The following PACRG variants were observed in gnomAD, a reference collection of about 807,000 sequenced individuals.
PACRG encodes the protein parkin coregulated.
PACRG carries 29 observed loss-of-function variants against 29.7 expected under a neutral mutation model. That is an observed-to-expected ratio of 0.98 (90% CI 0.73 to 1.33). The LOEUF (loss-of-function observed/expected upper bound fraction) is 1.33. PACRG is among the 40% of genes most tolerant of loss of function. PACRG has a pLI of 0.00. For synonymous variants in PACRG, 116 were observed against 118.7 expected (o/e 0.98, Z 0.15); for missense variants, 279 against 316.2 (o/e 0.88, Z 0.89).
intron 4 of PACRG, among the ~76,000 whole-genome samples, chr6:163,099,941 A>T (rs1585211204): frequency 6.6e-6 from 1 of 152,036 alleles, no homozygotes; most frequent in African/African-American, 2.4e-5. Context: ...TCACTCTCAG[A>T]CCTTCTCTCC....
chr6:162,766,518 G>A (rs1782806487), intron 1 of PACRG, among the ~76,000 whole-genome samples: 1 of 152,120 alleles, frequency 6.6e-6, no homozygotes, highest in Non-Finnish European at 1.5e-5. Flanking sequence ...ATGAACAGAG[G>A]AGTGCAAACA....
At chr6:163,238,784 C>T (rs1300050740) in intron 4 of PACRG, among the ~76,000 whole-genome samples, 1 of 152,212 alleles carries the variant, frequency 6.6e-6, no homozygotes, top group Admixed American at 6.5e-5. Context: ...AATGTTTAGA[C>T]TTCCCAGAAT....
Position 162,903,693 on chromosome 6 carries a change from G to A in PACRG, c.291+89412G>A, listed in dbSNP as rs115136304. Among the ~76,000 whole-genome samples the A allele has an allele frequency of 3.4e-3, 512 of 152,218 alleles. 2 individuals are homozygous for A. The highest frequency in any genetic ancestry group is 0.012 in the African/African-American group (481 of 41,518). ...ATGGGAGCAATTGAAGATGAGATTC[G>A]GGTGGAGACACAGCCAAACCGTATC... On this transcript the variant is annotated intron_variant, in intron 2 of 4. Transcript: ENST00000366888.
chr6:162,974,213 C>G (rs970102242), intron 2 of PACRG, among the ~76,000 whole-genome samples: 2 of 152,172 alleles, frequency 1.3e-5, no homozygotes, highest in African/African-American at 4.8e-5. Flanking sequence ...AGGGCGGCTG[C>G]CACCATATGC....
intron 2 of PACRG, among the ~76,000 whole-genome samples, chr6:162,938,774 A>G (rs1407897132): frequency 6.6e-6 from 1 of 151,906 alleles, no homozygotes. Flanking sequence ...ATTTTTTCAT[A>G]TGTTTGTTTG....
intron 2 of PACRG, among the ~76,000 whole-genome samples, chr6:162,952,489 G>A (rs1002321868): frequency 6.6e-6 from 1 of 152,178 alleles, no homozygotes; most frequent in African/African-American, 2.4e-5. Flanking sequence ...GTTCCACAGG[G>A]AGTGAGGTTC....
intron 4 of PACRG, among the ~76,000 whole-genome samples, chr6:163,216,645 C>T (rs552794886): frequency 2.0e-5 from 3 of 152,266 alleles, no homozygotes; most frequent in South Asian, 4.1e-4. Flanking sequence ...TACCCTTCAG[C>T]GCACCCAGCC....
At chr6:162,811,437 T>C (rs1180790300) in intron 1 of PACRG, among the ~76,000 whole-genome samples, 1 of 152,094 alleles carries the variant, frequency 6.6e-6, no homozygotes, top group Non-Finnish European at 1.5e-5. Context: ...AGTCATCCAA[T>C]AGGAAGCAGA....
At chr6:162,847,529 A>G (rs1261707554) in intron 2 of PACRG, among the ~76,000 whole-genome samples, 1 of 150,678 alleles carries the variant, frequency 6.6e-6, no homozygotes, top group Non-Finnish European at 1.5e-5. Context: ...GTATGTGTGT[A>G]TTGTTGAATG....
chr6:162,748,426 G>A (rs752880327), intron 1 of PACRG, among the ~76,000 whole-genome samples: 4 of 152,148 alleles, frequency 2.6e-5, no homozygotes, highest in Admixed American at 6.5e-5. Context: ...CCCAGGAGGC[G>A]GAGGTTGCAG....
chr6:162,784,903 G>A (rs1356295975), intron 1 of PACRG, among the ~76,000 whole-genome samples: 1 of 152,106 alleles, frequency 6.6e-6, no homozygotes, highest in Non-Finnish European at 1.5e-5. Context: ...ACAGAAAAAT[G>A]GGAATGGAGA....
intron 3 of PACRG, among the ~76,000 whole-genome samples, chr6:163,079,508 A>T (rs1407284957): frequency 1.3e-5 from 2 of 152,094 alleles, no homozygotes; most frequent in Non-Finnish European, 2.9e-5. Context: ...TGCTTTGCTG[A>T]TACAGTTTAT....
chr6:163,001,740 T>C (rs1439949576), intron 2 of PACRG, among the ~76,000 whole-genome samples: 1 of 152,248 alleles, frequency 6.6e-6, no homozygotes, highest in African/African-American at 2.4e-5. Flanking sequence ...GCTTAAGCTG[T>C]AGACAGCATT....
chr6:163,053,937 C>T (rs1810290617), intron 2 of PACRG: 1 of 152,062 alleles, frequency 6.6e-6, no homozygotes, highest in African/African-American at 2.4e-5. Flanking sequence ...ATTGTGTGCC[C>T]AGCACTCTTC....
intron 4 of PACRG, among the ~76,000 whole-genome samples, chr6:163,115,282 C>T (rs116858783): frequency 0.013 from 1,913 of 152,144 alleles, 83 homozygotes; most frequent in Admixed American, 0.082. Flanking sequence ...GGGGATGACT[C>T]GCTTTATCTG....
intron 2 of PACRG, among the ~76,000 whole-genome samples, chr6:162,883,149 A>G (rs978951518): frequency 6.6e-6 from 1 of 150,568 alleles, no homozygotes; most frequent in African/African-American, 2.4e-5. Context: ...TTCTGTCACT[A>G]CCAGGTTTTT....
intron 2 of PACRG, among the ~76,000 whole-genome samples, chr6:163,052,547 T>C (rs986066753): frequency 4.3e-4 from 66 of 152,230 alleles, no homozygotes; most frequent in African/African-American, 1.5e-3. Flanking sequence ...TGGGAGGTGA[T>C]TGGATCATGG....
At chr6:162,963,727 T>C (rs145591325) in intron 2 of PACRG, among the ~76,000 whole-genome samples, 7 of 146,350 alleles carry the variant, frequency 4.8e-5, no homozygotes, top group African/African-American at 5.4e-5. Context: ...TTATTTTATA[T>C]GTATAAAATA....
chr6:163,032,701 G>T (rs1681399856), intron 2 of PACRG, among the ~76,000 whole-genome samples: 1 of 152,190 alleles, frequency 6.6e-6, no homozygotes, highest in Non-Finnish European at 1.5e-5. Context: ...AGTGCTTCCT[G>T]TGTGACTTTT....
Sources: allele counts gnomAD v4.1 joint callset (sites outside exome capture counted in the v4.1 genomes callset), GRCh38; gene constraint gnomAD v4.1.1; transcripts MANE v1.5; gene names NCBI Gene and HGNC (gene_info 2026-07-23, HGNC 2026-07-21).